The following AGBL4 variants were observed in gnomAD, a reference collection of about 807,000 sequenced individuals.
The protein encoded by AGBL4 is cytosolic carboxypeptidase 6.
A neutral mutation model predicts 66.4 loss-of-function variants in AGBL4; 58 were observed. That is an observed-to-expected ratio of 0.87 (90% confidence interval 0.71 to 1.09). The LOEUF (loss-of-function observed/expected upper bound fraction) is 1.09, where lower values mean the gene tolerates loss of function less well. Among genes scored for constraint, AGBL4 ranks in the 50% least tolerant of loss-of-function variants. AGBL4 has a pLI of 0.00. For missense variants in AGBL4, 579 were observed against 631.0 expected (o/e 0.92, Z 0.88); for synonymous variants, 234 against 222.9 (o/e 1.05, Z -0.44).
intron 4 of AGBL4, among the ~76,000 whole-genome samples, chr1:49,224,573 C>A (rs1358510201): frequency 2.7e-5 from 4 of 148,038 alleles, no homozygotes; most frequent in Non-Finnish European, 1.5e-5. Flanking sequence ...GCCCAGATTG[C>A]GCCACTGCAC....
chr1:48,944,776 A>G (rs1280011242), intron 5 of AGBL4, among the ~76,000 whole-genome samples: 1 of 152,210 alleles, frequency 6.6e-6, no homozygotes, highest in Non-Finnish European at 1.5e-5. Flanking sequence ...AGTTCAGAAA[A>G]TAACTCATAT....
chr1:49,272,527 A>G (rs897897436), intron 3 of AGBL4, among the ~76,000 whole-genome samples: 2 of 152,138 alleles, frequency 1.3e-5, no homozygotes, highest in African/African-American at 4.8e-5. Flanking sequence ...ACACACCTAA[A>G]ATTTTTATTT....
chr1:49,878,625 A>G (rs1193056754), intron 1 of AGBL4, among the ~76,000 whole-genome samples: 2 of 152,050 alleles, frequency 1.3e-5, no homozygotes, highest in Non-Finnish European at 2.9e-5. Flanking sequence ...GCTGAAAAAA[A>G]TGTATATTCT....
intron 2 of AGBL4, among the ~76,000 whole-genome samples, chr1:49,809,856 G>A (rs565148564): frequency 2.8e-4 from 42 of 152,042 alleles, no homozygotes; most frequent in African/African-American, 8.4e-4. Flanking sequence ...TGAAATCTCC[G>A]CCTAAATTTA....
chr1:49,030,782 A>G (rs1664149223), intron 5 of AGBL4, among the ~76,000 whole-genome samples: 1 of 147,536 alleles, frequency 6.8e-6, no homozygotes, highest in South Asian at 2.2e-4. Flanking sequence ...CACCTAGTCT[A>G]TGGTATTTTT....
At chr1:49,170,218 T>C (rs187823712) in intron 4 of AGBL4, among the ~76,000 whole-genome samples, 3,960 of 146,548 alleles carry the variant, frequency 0.027, 161 homozygotes, top group African/African-American at 0.093. Flanking sequence ...TTTATATTCA[T>C]ATAAATATGT....
chr1:49,737,422 AAC>A (rs1210592875), intron 2 of AGBL4, among the ~76,000 whole-genome samples: 2 of 152,226 alleles, frequency 1.3e-5, no homozygotes, highest in Non-Finnish European at 2.9e-5. Context: ...TAAGTGAACT[AAC>A]ACAGAAACAG....
At chr1:48,788,432 C>G (rs1338501798) in intron 6 of AGBL4, among the ~76,000 whole-genome samples, 1 of 152,182 alleles carries the variant, frequency 6.6e-6, no homozygotes, top group Non-Finnish European at 1.5e-5. Context: ...CAAAGGCAGT[C>G]TGCCTTGTTT....
intron 3 of AGBL4, among the ~76,000 whole-genome samples, chr1:49,404,617 A>G (rs1645157450): frequency 6.6e-6 from 1 of 152,130 alleles, no homozygotes; most frequent in South Asian, 2.1e-4. Context: ...CGTATCTTTT[A>G]TTATTTTTAC....
At chr1:49,332,426 C>A (rs927898188) in intron 3 of AGBL4, among the ~76,000 whole-genome samples, 1 of 152,128 alleles carries the variant, frequency 6.6e-6, no homozygotes, top group Admixed American at 6.5e-5. Context: ...GGAGCAGAAA[C>A]CCACAAAGAA....
rs115506623 is a variant in AGBL4 at position 49,053,507 on chromosome 1, G to A, written c.378-7707C>T. 8.5e-5 allele frequency among the ~76,000 whole-genome samples: 13 copies of A among 152,232 alleles called. 1 individual carries two copies. In the East Asian group the frequency reaches 2.5e-3, roughly 29 times the overall value. On this transcript the variant is annotated intron_variant, in intron 4 of 13. Transcript: ENST00000371839. ...TGTTGTAACCTTCAAGATACATGGA[G>A]CCTCCAGGTTACTAGTTAGTGGGAT... is the stretch of plus-strand genomic sequence containing the variant.
chr1:50,001,014 T>A (rs914157680), intron 1 of AGBL4, among the ~76,000 whole-genome samples: 2 of 151,506 alleles, frequency 1.3e-5, no homozygotes, highest in African/African-American at 2.4e-5. Context: ...CTAAAAAAAA[T>A]AAAAATAAAA....
intron 3 of AGBL4, among the ~76,000 whole-genome samples, chr1:49,528,904 T>C (rs1174580952): frequency 6.6e-6 from 1 of 151,930 alleles, no homozygotes; most frequent in Admixed American, 6.6e-5. Context: ...GGGGAGTAAA[T>C]AGTAGGAGAT....
At chr1:48,889,257 C>T (rs1213520962) in intron 5 of AGBL4, among the ~76,000 whole-genome samples, 3 of 152,188 alleles carry the variant, frequency 2.0e-5, no homozygotes, top group Non-Finnish European at 4.4e-5. Flanking sequence ...ACACATTAGC[C>T]AGATGGCAGG....
At chr1:48,713,298 G>C (rs1646996309) in intron 6 of AGBL4, among the ~76,000 whole-genome samples, 1 of 152,166 alleles carries the variant, frequency 6.6e-6, no homozygotes, top group South Asian at 2.1e-4. Flanking sequence ...CCCAGGAGCT[G>C]GCCTAGAATA....
chr1:49,908,074 G>A (rs1191594279), intron 1 of AGBL4, among the ~76,000 whole-genome samples: 1 of 152,146 alleles, frequency 6.6e-6, no homozygotes, highest in East Asian at 1.9e-4. Context: ...ATAAAACTTT[G>A]TTAAGAAAGT....
At chr1:49,318,593 A>G in intron 3 of AGBL4, among the ~76,000 whole-genome samples, 1 of 152,262 alleles carries the variant, frequency 6.6e-6, no homozygotes, top group Non-Finnish European at 1.5e-5. Flanking sequence ...AAAAACATTT[A>G]ATGTATACAA....
At chr1:48,643,617 C>T (rs1296357863) in intron 8 of AGBL4, among the ~76,000 whole-genome samples, 1 of 152,210 alleles carries the variant, frequency 6.6e-6, no homozygotes, top group East Asian at 1.9e-4. Flanking sequence ...AGACCTATCT[C>T]GTAGGTTCAT....
intron 3 of AGBL4, among the ~76,000 whole-genome samples, chr1:49,687,455 A>G (rs1646807354): frequency 6.6e-6 from 1 of 152,140 alleles, no homozygotes; most frequent in Non-Finnish European, 1.5e-5. Flanking sequence ...ATCTCTGTAA[A>G]ACAATAGAAG....
Sources: allele counts gnomAD v4.1 joint callset (sites outside exome capture counted in the v4.1 genomes callset), GRCh38; gene constraint gnomAD v4.1.1; transcripts MANE v1.5; gene names NCBI Gene and HGNC (gene_info 2026-07-23, HGNC 2026-07-21).